MDN1: variants seen among roughly 807,000 people sequenced by gnomAD.
The protein encoded by MDN1 is midasin.
A neutral mutation model predicts 669.2 loss-of-function variants in MDN1; 266 were observed. The ratio of observed to expected loss-of-function variants is 0.40; its 90% CI spans 0.36 to 0.44. The LOEUF (loss-of-function observed/expected upper bound fraction) is 0.44, where lower values mean the gene tolerates loss of function less well. MDN1 is among the 20% of genes least tolerant of loss of function. The probability of loss-of-function intolerance (pLI) is 1.00; values close to 1 mark genes in which losing one functional copy is unlikely to be tolerated. For synonymous variants in MDN1, 2,385 were observed against 2,457.1 expected, an observed-to-expected ratio of 0.97 and a Z score of 0.87; for missense variants, 5,940 against 6,754.0, an observed-to-expected ratio of 0.88 and a Z score of 4.22.
In MDN1 at chr6:89,648,125, C is replaced by A. The variant is rs1472978591; in HGVS notation, c.16302G>T (p.Leu5434=). The change falls in exon 99 of 102, where the codon CTG becomes CTT. Residue 5434 remains leucine (L), a synonymous_variant. Transcript: ENST00000369393. Reference sequence around the variant, plus strand: ...TGAACTGCTCATGAAATGGGTGTAACAGCTTTACAGATTCTCCAAAACTTG... The same window carrying A: ...TGAACTGCTCATGAAATGGGTGTAAAAGCTTTACAGATTCTCCAAAACTTG... ...AVCSFGESVK[L]LHPFHEQFSD... 1.2e-6 allele frequency: 2 copies of A among 1,614,032 alleles called. No individual in the cohort carries two copies. The highest frequency in any genetic ancestry group is 8.5e-7 in the Non-Finnish European group (1 of 1,179,906).
intron 15 of MDN1, 44 bp downstream of exon 15, chr6:89,771,517 G>A: frequency 6.6e-7 from 1 of 1,507,850 alleles, no homozygotes; most frequent in Non-Finnish European, 9.2e-7. Flanking sequence ...CTTACCTCAA[G>A]CAATAAACAC....
intron 40 of MDN1, among the ~76,000 whole-genome samples, chr6:89,720,536 C>A (rs903750045): frequency 1.3e-5 from 2 of 152,084 alleles, no homozygotes; most frequent in Admixed American, 1.3e-4. Flanking sequence ...TTGTCTCCCC[C>A]GCTAGAAAAC....
chr6:89,687,167 T>C (rs1812073058), intron 68 of MDN1, 144 bp from the exon 69 acceptor site: 5 of 1,298,544 alleles, frequency 3.9e-6, no homozygotes, highest in Admixed American at 2.2e-5. Context: ...CAAGAATATA[T>C]GCTGTTGTCT....
At chr6:89,788,935 C>T (rs1562220666) in intron 7 of MDN1, among the ~76,000 whole-genome samples, 1 of 152,040 alleles carries the variant, frequency 6.6e-6, no homozygotes, top group African/African-American at 2.4e-5. Flanking sequence ...ACCAGCCTGG[C>T]CAACATGGTG....
At chr6:89,723,952 G>C (rs1392901533) in intron 38 of MDN1, among the ~76,000 whole-genome samples, 1 of 152,118 alleles carries the variant, frequency 6.6e-6, no homozygotes, top group Non-Finnish European at 1.5e-5. Context: ...AGACCATCCT[G>C]ACCAGCATGA....
chr6:89,762,020 C>A (rs892604137), intron 16 of MDN1, among the ~76,000 whole-genome samples: 1 of 152,174 alleles, frequency 6.6e-6, no homozygotes, highest in African/African-American at 2.4e-5. Flanking sequence ...AGGAACCACA[C>A]AGAAGTAAAC....
At chr6:89,753,408 C>G (rs1817054595) in intron 22 of MDN1, 104 bp downstream of exon 22, 4 of 854,860 alleles carry the variant, frequency 4.7e-6, no homozygotes, top group Non-Finnish European at 7.5e-6. Context: ...AACAGATTAC[C>G]TTTATAATTA....
At chr6:89,728,084 A>G in intron 36 of MDN1, 129 bp from the exon 37 acceptor site, 3 of 1,095,100 alleles carry the variant, frequency 2.7e-6, no homozygotes, top group Non-Finnish European at 3.8e-6. Context: ...CACCCAAGAT[A>G]GAACTAACCA....
At chr6:89,678,517 A>C in intron 75 of MDN1, 82 bp downstream of exon 75, 1 of 1,506,720 alleles carries the variant, frequency 6.6e-7, no homozygotes, top group Non-Finnish European at 9.1e-7. Flanking sequence ...TGTCTATGGA[A>C]TTTCCCCCAA....
chr6:89,673,874 T>G (rs1339105224), intron 79 of MDN1, among the ~76,000 whole-genome samples: 1 of 152,138 alleles, frequency 6.6e-6, no homozygotes, highest in Non-Finnish European at 1.5e-5. Flanking sequence ...ATTTAGGGCT[T>G]TGTCTGGCAT....
chr6:89,696,595 CAAT>C (rs1249882281), intron 59 of MDN1, 21 bp from the exon 60 acceptor site: 1 of 1,579,024 alleles, frequency 6.3e-7, no homozygotes, highest in African/African-American at 1.4e-5. Flanking sequence ...AGAGAAGAGT[CAAT>C]AACTTTTAGA....
At chr6:89,700,386 A>G in intron 56 of MDN1, 92 bp from the exon 57 acceptor site, 1 of 1,020,194 alleles carries the variant, frequency 9.8e-7, no homozygotes, top group Non-Finnish European at 1.5e-6. Context: ...TGCAAGCTTA[A>G]CTTGAGCTAA....
Position 89,644,041 on chromosome 6 carries a change from C to T in MDN1, c.16755G>A (p.Gln5585=). The T allele has an allele frequency of 3.1e-6, 5 of 1,613,456 alleles. No individual in the cohort carries two copies. Among genetic ancestry groups the T allele is most frequent in the Non-Finnish European group, 4.2e-6 (5 of 1,179,678 alleles). The change falls in exon 102 of 102, where the codon CAG becomes CAA. Residue 5585 remains glutamine, a synonymous_variant. Transcript: ENST00000369393. ...LPETLSDALR[Q]WFELVTASDH... ...CAGAGGCTGTCACCAACTCAAACCA[C>T]TGTCTGAGGGCATCGCTGAGTGTCT...
chr6:89,776,417 C>T (rs1055208575), intron 12 of MDN1, among the ~76,000 whole-genome samples, 183 bp downstream of exon 12: 2 of 152,218 alleles, frequency 1.3e-5, no homozygotes, highest in Admixed American at 1.3e-4. Flanking sequence ...GCCGAGATGG[C>T]GCCATTGCAC....
At chr6:89,758,785 C>CA in intron 18 of MDN1, 31 bp downstream of exon 18, 1 of 1,612,256 alleles carries the variant, frequency 6.2e-7, no homozygotes, top group Non-Finnish European at 8.5e-7. Context: ...GGCTTGACAC[C>CA]AAGTCAAATC....
At position 89,658,108 on chromosome 6, in the gene MDN1, C is replaced by A. The variant is rs192318689; in HGVS notation, c.15183+101G>T. 4.3e-5 allele frequency: 61 copies of A among 1,417,286 alleles called. No individual in the cohort carries two copies. In the African/African-American group the frequency reaches 6.7e-4, roughly 15 times the overall value. The allele number at this position is 1,417,286 out of a possible 1,614,324, so 87.8% of individuals were successfully genotyped here. Reference sequence around the variant, plus strand: ...AACAACAAAACAAACAACAAAATAACCAAACATAAACCAACTAATGCTACA... The same window carrying A: ...AACAACAAAACAAACAACAAAATAAACAAACATAAACCAACTAATGCTACA... On this transcript the variant is annotated intron_variant, in intron 90 of 101. Transcript: ENST00000369393.
At chr6:89,730,523 G>A (rs1815519674) in intron 35 of MDN1, among the ~76,000 whole-genome samples, 1 of 152,140 alleles carries the variant, frequency 6.6e-6, no homozygotes, top group Non-Finnish European at 1.5e-5. Flanking sequence ...TTTATAGATT[G>A]AAGTCTCTAT....
intron 47 of MDN1, 32 bp downstream of exon 47, chr6:89,713,116 A>C (rs1250151744): frequency 6.3e-7 from 1 of 1,596,428 alleles, no homozygotes; most frequent in East Asian, 2.2e-5. Flanking sequence ...GGGTATTACA[A>C]CTTAGAAACA....
At chr6:89,730,988 G>C in intron 34 of MDN1, 65 bp from the exon 35 acceptor site, 1 of 1,436,398 alleles carries the variant, frequency 7.0e-7, no homozygotes, top group Non-Finnish European at 9.6e-7. Flanking sequence ...CCATTAAGCA[G>C]GAGCTCTAGC....
Sources: gnomAD v4.1 joint callset for allele counts (sites outside exome capture counted in the v4.1 genomes callset) on GRCh38, gnomAD v4.1.1 for gene constraint, MANE v1.5 for transcripts, NCBI Gene and HGNC (gene_info 2026-07-23, HGNC 2026-07-21) for gene names.